The following TTC17 variants were observed in gnomAD, a reference collection of about 807,000 sequenced individuals.
TTC17 encodes the protein tetratricopeptide repeat protein 17.
In TTC17, 58 loss-of-function variants were observed where a neutral mutation model predicts 143.8. That is an observed-to-expected ratio of 0.40 (90% confidence interval 0.33 to 0.50). The LOEUF is 0.50. Ranked by LOEUF, TTC17 falls within the 20% of genes least tolerant of loss-of-function variation. The pLI is 0.49. For synonymous variants in TTC17, 501 were observed against 497.8 expected, an observed-to-expected ratio of 1.01 and a Z score of -0.09; for missense variants, 1,273 against 1,392.5, an observed-to-expected ratio of 0.91 and a Z score of 1.37.
At chr11:43,485,140 ACCACCCCCTACC>A (rs1346511752) in intron 21 of TTC17, among the ~76,000 whole-genome samples, 9 of 151,962 alleles carry the variant, frequency 5.9e-5, no homozygotes, top group African/African-American at 2.2e-4. Context: ...TCATCCCAAA[ACCACCCCCTACC>A]CCATCCATGG....
chr11:43,447,908 A>G, intron 18 of TTC17, 94 bp from the exon 19 acceptor site: 3 of 1,489,348 alleles, frequency 2.0e-6, no homozygotes, highest in South Asian at 2.6e-5. Context: ...ACCTCCAAAT[A>G]CACCAATCCA....
At chr11:43,389,935 G>A (rs1306159884) in intron 3 of TTC17, 114 bp downstream of exon 3, 49 of 931,324 alleles carry the variant, frequency 5.3e-5, no homozygotes, top group Non-Finnish European at 7.4e-5. Context: ...ATGAGTTTTC[G>A]AATTTGAAAA....
intron 16 of TTC17, chr11:43,436,165 T>C (rs1280120525): frequency 7.2e-7 from 1 of 1,390,490 alleles, no homozygotes; most frequent in East Asian, 2.6e-5. Context: ...GTCATTGAGG[T>C]AATTGTCATG....
chr11:43,386,185 T>A (rs1212093061), intron 2 of TTC17, among the ~76,000 whole-genome samples: 1 of 152,076 alleles, frequency 6.6e-6, no homozygotes, highest in Non-Finnish European at 1.5e-5. Context: ...AAAAAAAATT[T>A]CCTATGCAGT....
At chr11:43,446,187 C>T in intron 18 of TTC17, 1 of 1,304,736 alleles carries the variant, frequency 7.7e-7, no homozygotes, top group Non-Finnish European at 9.8e-7. Context: ...AGTGCCTTTG[C>T]ACATGCTATT....
At chr11:43,411,470 A>C (rs936316686) in intron 15 of TTC17, among the ~76,000 whole-genome samples, 1 of 144,504 alleles carries the variant, frequency 6.9e-6, no homozygotes, top group African/African-American at 2.6e-5. Flanking sequence ...TTCCTTCTAT[A>C]TTTTTCTCCG....
At chr11:43,462,089 T>TAA (rs35082706) in intron 21 of TTC17, among the ~76,000 whole-genome samples, 2,030 of 124,826 alleles carry the variant, frequency 0.016, 60 homozygotes, top group African/African-American at 0.054. Context: ...TAGGCTAGAT[T>TAA]AAAAAAAAAA....
At chr11:43,478,730 C>T (rs1948231077) in intron 21 of TTC17, among the ~76,000 whole-genome samples, 3 of 152,160 alleles carry the variant, frequency 2.0e-5, no homozygotes, top group African/African-American at 7.2e-5. Context: ...GCCTCATCCT[C>T]CCTGCCCCAT....
chr11:43,446,810 T>C (rs1947552078), intron 18 of TTC17: 1 of 448,802 alleles, frequency 2.2e-6, no homozygotes, highest in Non-Finnish European at 2.9e-6. Context: ...GGGGATTTGA[T>C]GTAAGTAAAG....
chr11:43,467,423 G>T (rs999335158), intron 21 of TTC17, among the ~76,000 whole-genome samples: 2 of 152,174 alleles, frequency 1.3e-5, no homozygotes, highest in Non-Finnish European at 2.9e-5. Context: ...GTCACAAAAA[G>T]GCCAATACTG....
chr11:43,374,552 A>C (rs532324148), intron 1 of TTC17, among the ~76,000 whole-genome samples: 23 of 152,164 alleles, frequency 1.5e-4, no homozygotes, highest in Non-Finnish European at 3.1e-4. Context: ...TCTATAAGGA[A>C]CTTAATTCAA....
chr11:43,432,480 CAAGT>C (rs1947180895), intron 16 of TTC17, among the ~76,000 whole-genome samples: 3 of 152,172 alleles, frequency 2.0e-5, no homozygotes, highest in Non-Finnish European at 4.4e-5. Context: ...GCTTTGCAAG[CAAGT>C]AACAGCATTA....
chr11:43,382,894 CT>C lies in TTC17; in HGVS notation c.249+3580del, dbSNP rs573229021. Among the ~76,000 whole-genome samples the C allele has an allele frequency of 2.1e-4, 31 of 147,806 alleles. No homozygotes were observed. In the South Asian group the frequency reaches 6.1e-3, roughly 29 times the overall value. On this transcript the variant is annotated intron_variant, in intron 2 of 23. Transcript: ENST00000039989. Reference sequence around the variant, plus strand: ...CCTTTTTCTTTTTTCTTTTTATTTTCTTTTTTTTCTTTTTCTTTTTTTTGAG... The same window carrying C: ...CCTTTTTCTTTTTTCTTTTTATTTTCTTTTTTTCTTTTTCTTTTTTTTGAG...
At chr11:43,428,319 C>G (rs1029374937) in intron 16 of TTC17, among the ~76,000 whole-genome samples, 1 of 152,004 alleles carries the variant, frequency 6.6e-6, no homozygotes, top group Non-Finnish European at 1.5e-5. Flanking sequence ...AAAAAAATAG[C>G]TATGTCAGTT....
At chr11:43,385,341 GT>G (rs929388874) in intron 2 of TTC17, among the ~76,000 whole-genome samples, 11 of 152,094 alleles carry the variant, frequency 7.2e-5, no homozygotes, top group Non-Finnish European at 1.3e-4. Flanking sequence ...AATTTACAAA[GT>G]TTTGTTATCA....
chr11:43,475,593 G>T (rs1374466246), intron 21 of TTC17, among the ~76,000 whole-genome samples: 3 of 152,126 alleles, frequency 2.0e-5, no homozygotes, highest in African/African-American at 7.2e-5. Flanking sequence ...CAAAAGTGCT[G>T]GGATTACAGA....
chr11:43,368,865 T>A (rs1856453233), intron 1 of TTC17, among the ~76,000 whole-genome samples: 1 of 152,212 alleles, frequency 6.6e-6, no homozygotes, highest in Admixed American at 6.5e-5. Flanking sequence ...GACACCACTT[T>A]CTTTCTTGTG....
At chr11:43,491,543 C>T (rs563387182) in intron 22 of TTC17, 3 of 152,954 alleles carry the variant, frequency 2.0e-5, no homozygotes, top group African/African-American at 7.2e-5. Context: ...ATGATTGTGT[C>T]CTAATAAAAC....
chr11:43,449,958 C>T, intron 19 of TTC17, 124 bp from the exon 20 acceptor site: 6 of 1,051,176 alleles, frequency 5.7e-6, no homozygotes, highest in Non-Finnish European at 8.2e-6. Flanking sequence ...CAGGGGATAG[C>T]ATGTTGAAGC....
Sources: allele counts gnomAD v4.1 joint callset (sites outside exome capture counted in the v4.1 genomes callset), GRCh38; gene constraint gnomAD v4.1.1; transcripts MANE v1.5; gene names NCBI Gene and HGNC (gene_info 2026-07-23, HGNC 2026-07-21).